Variants in OR56B2 observed in about 807,000 individuals in gnomAD.
OR56B2 encodes the protein olfactory receptor family 56 subfamily B member 2, also known as olfactory receptor 56B2.
chr11:5,767,207 C>T, the OR56B2 span: 1 of 139,046 alleles, frequency 7.2e-6, no homozygotes, highest in Admixed American at 7.4e-5. Context: ...TTTATAACAA[C>T]TCACTGTCAT....
the OR56B2 span, chr11:5,766,643 C>T: frequency 7.2e-6 from 1 of 139,118 alleles, no homozygotes. Flanking sequence ...CCCCTTTACC[C>T]CCTATATTAT....
At chr11:5,766,347 CCAGA>C in the OR56B2 span, 17 of 140,450 alleles carry the variant, frequency 1.2e-4, 1 homozygote, top group African/African-American at 4.4e-4. Flanking sequence ...GCTAAAACTT[CCAGA>C]CAGTGTTGAA....
the OR56B2 span, among the ~76,000 whole-genome samples, chr11:5,763,975 T>C: frequency 1.4e-5 from 2 of 140,738 alleles, 1 homozygote; most frequent in Non-Finnish European, 3.1e-5. Flanking sequence ...TAGTATAAGA[T>C]GTTATTACCT....
the OR56B2 span, among the ~76,000 whole-genome samples, chr11:5,762,841 C>G: frequency 6.6e-6 from 1 of 151,926 alleles, no homozygotes; most frequent in African/African-American, 2.4e-5. Flanking sequence ...TTTACCATAA[C>G]CATACTTTGT....
At chr11:5,767,758 A>G in the OR56B2 span, among the ~76,000 whole-genome samples, 15 of 140,146 alleles carry the variant, frequency 1.1e-4, 2 homozygotes, top group East Asian at 2.9e-3. Context: ...AATCTGCAGC[A>G]TACATGAACT....
chr11:5,761,526 A>G, the OR56B2 span, among the ~76,000 whole-genome samples: 16,588 of 136,292 alleles, frequency 0.12, 1,088 homozygotes, highest in East Asian at 0.25. Flanking sequence ...TTTCTTGTTT[A>G]TTTATTGTTT....
At chr11:5,762,599 T>C in the OR56B2 span, among the ~76,000 whole-genome samples, 2 of 152,110 alleles carry the variant, frequency 1.3e-5, no homozygotes, top group African/African-American at 2.4e-5. Flanking sequence ...TAAAACCTAG[T>C]ATCTGATAGA....
the OR56B2 span, among the ~76,000 whole-genome samples, chr11:5,764,077 T>C: frequency 7.1e-6 from 1 of 140,984 alleles, no homozygotes; most frequent in Non-Finnish European, 1.6e-5. Context: ...ATTTTTTGCC[T>C]TTATATTGTA....
chr11:5,766,681 C>T, the OR56B2 span: 2 of 138,922 alleles, frequency 1.4e-5, 1 homozygote, highest in Non-Finnish European at 3.2e-5. Flanking sequence ...CACCCCTTTA[C>T]CCCCATATTA....
the OR56B2 span, among the ~76,000 whole-genome samples, chr11:5,764,612 T>A: frequency 7.1e-6 from 1 of 140,348 alleles, no homozygotes; most frequent in Non-Finnish European, 1.6e-5. Flanking sequence ...AATGTTTAAG[T>A]ACGTGAACAA....
the OR56B2 span, among the ~76,000 whole-genome samples, chr11:5,762,749 AAAAC>A: frequency 5.3e-5 from 8 of 152,060 alleles, no homozygotes; most frequent in Non-Finnish European, 1.2e-4. Context: ...AAAAAAGACA[AAAAC>A]AAATAATTCA....
the OR56B2 span, chr11:5,767,340 G>C: frequency 7.2e-6 from 1 of 139,008 alleles, no homozygotes; most frequent in African/African-American, 2.6e-5. Flanking sequence ...ATCTCTTACT[G>C]GGCCCCACTT....
the OR56B2 span, chr11:5,765,263 C>A: frequency 1.3e-5 from 2 of 153,170 alleles, no homozygotes; most frequent in South Asian, 4.0e-4. Context: ...TCCTGATCAT[C>A]ATCAACAAAG....
chr11:5,765,482 T>C, the OR56B2 span: 5 of 140,986 alleles, frequency 3.5e-5, 2 homozygotes, highest in East Asian at 4.1e-4. Flanking sequence ...TGGCTATTGA[T>C]AGATATGTAG....
the OR56B2 span, chr11:5,765,495 A>G: frequency 1.4e-5 from 2 of 140,470 alleles, no homozygotes; most frequent in Non-Finnish European, 3.2e-5. Flanking sequence ...ATATGTAGCC[A>G]TTTGTCGACC....
the OR56B2 span, among the ~76,000 whole-genome samples, chr11:5,763,851 T>C: frequency 7.1e-6 from 1 of 140,228 alleles, no homozygotes; most frequent in Non-Finnish European, 1.6e-5. Flanking sequence ...CACTGATATA[T>C]ATTTTTCCTT....
chr11:5,762,584 A>G, the OR56B2 span, among the ~76,000 whole-genome samples: 297 of 152,222 alleles, frequency 2.0e-3, no homozygotes, highest in African/African-American at 7.0e-3. Context: ...GTTATATAGA[A>G]TGAATAAAAC....
chr11:5,768,989 G>A, the OR56B2 span, among the ~76,000 whole-genome samples: 1 of 137,818 alleles, frequency 7.3e-6, no homozygotes, highest in Admixed American at 7.5e-5. Flanking sequence ...TATAGAATTA[G>A]GTTCTAATTA....
At chr11:5,767,066 G>C in the OR56B2 span, 1 of 139,618 alleles carries the variant, frequency 7.2e-6, no homozygotes. Context: ...TCATAGTTCT[G>C]CAGGCAGGGT....
Sources: allele counts gnomAD v4.1 joint callset (sites outside exome capture counted in the v4.1 genomes callset), GRCh38; gene constraint gnomAD v4.1.1; transcripts MANE v1.5; gene names NCBI Gene and HGNC (gene_info 2026-07-23, HGNC 2026-07-21).